The following KCNQ5 variants were observed in gnomAD, a reference collection of about 807,000 sequenced individuals.
The protein encoded by KCNQ5 is potassium voltage-gated channel subfamily Q member 5.
Under a neutral mutation model 98.2 loss-of-function variants are expected in KCNQ5, and 30 were observed. The ratio of observed to expected loss-of-function variants is 0.31; its 90% CI spans 0.23 to 0.41. The LOEUF is 0.41. Ranked by LOEUF, KCNQ5 falls within the 10% of genes least tolerant of loss-of-function variation. The pLI is 1.00. For synonymous variants in KCNQ5, 458 were observed against 449.4 expected (o/e 1.02, Z -0.24); for missense variants, 835 against 1,182.5 (o/e 0.71, Z 4.31).
In KCNQ5 at chr6:73,160,628, G is replaced by A. The variant is rs532428322; in HGVS notation, c.1469-9118G>A. 4.6e-5 allele frequency among the ~76,000 whole-genome samples: 7 copies of A among 152,286 alleles called. No individual in the cohort carries two copies. In the South Asian group the frequency reaches 8.3e-4, roughly 18 times the overall value. On this transcript the variant is annotated intron_variant, in intron 10 of 13. Transcript: ENST00000370398. ...CATTTACTGCTGTCTTGTGAGGCACGTATGTTGTCTCAAATTGCTCCTCTG... is the reference window on the plus strand; with the variant it reads ...CATTTACTGCTGTCTTGTGAGGCACATATGTTGTCTCAAATTGCTCCTCTG...
At chr6:73,054,101 G>T (rs1772357482) in intron 3 of KCNQ5, among the ~76,000 whole-genome samples, 1 of 152,038 alleles carries the variant, frequency 6.6e-6, no homozygotes, top group African/African-American at 2.4e-5. Context: ...TAGAAGAAAT[G>T]GATAAATTCC....
At chr6:72,645,959 C>T (rs1393045143) in intron 1 of KCNQ5, among the ~76,000 whole-genome samples, 1 of 152,056 alleles carries the variant, frequency 6.6e-6, no homozygotes, top group East Asian at 1.9e-4. Flanking sequence ...TCCACTTCCC[C>T]CCAGGTACTT....
chr6:73,180,221 G>T (rs1183161584), intron 11 of KCNQ5, among the ~76,000 whole-genome samples: 2 of 152,154 alleles, frequency 1.3e-5, no homozygotes, highest in African/African-American at 2.4e-5. Context: ...TCACGTAGGA[G>T]GCTTCTTTAA....
intron 1 of KCNQ5, among the ~76,000 whole-genome samples, chr6:72,891,711 C>G (rs1247181543): frequency 1.3e-5 from 2 of 152,078 alleles, no homozygotes; most frequent in African/African-American, 4.8e-5. Flanking sequence ...TTAATCCTTC[C>G]TAAAATAAAG....
intron 2 of KCNQ5, among the ~76,000 whole-genome samples, chr6:73,026,136 A>G (rs966246597): frequency 6.6e-6 from 1 of 152,122 alleles, no homozygotes; most frequent in African/African-American, 2.4e-5. Flanking sequence ...TGTCTCTACC[A>G]AAACCTGGTG....
intron 1 of KCNQ5, among the ~76,000 whole-genome samples, chr6:72,822,434 T>G (rs895612854): frequency 3.9e-5 from 6 of 152,212 alleles, no homozygotes. Flanking sequence ...GTACTCCCTA[T>G]TCCTTATGTG....
chr6:72,931,051 TG>T (rs557842927), intron 1 of KCNQ5, among the ~76,000 whole-genome samples: 192 of 152,290 alleles, frequency 1.3e-3, no homozygotes, highest in African/African-American at 4.6e-3. Flanking sequence ...ACAGCAGAAT[TG>T]AGCTACAGTT....
At chr6:72,848,091 G>A (rs1309424940) in intron 1 of KCNQ5, among the ~76,000 whole-genome samples, 1 of 151,882 alleles carries the variant, frequency 6.6e-6, no homozygotes, top group Non-Finnish European at 1.5e-5. Context: ...CATGTCCCCA[G>A]GAGGCAAGGA....
At chr6:73,131,656 T>A (rs992870534) in intron 9 of KCNQ5, among the ~76,000 whole-genome samples, 2 of 151,952 alleles carry the variant, frequency 1.3e-5, no homozygotes, top group Non-Finnish European at 2.9e-5. Context: ...CTTTGACAGA[T>A]TTGTTTAAAT....
At chr6:72,855,854 T>C (rs536156577) in intron 1 of KCNQ5, among the ~76,000 whole-genome samples, 40 of 152,338 alleles carry the variant, frequency 2.6e-4, no homozygotes, top group African/African-American at 9.1e-4. Context: ...TTAACTAAAA[T>C]TGTTGCCTGA....
intron 2 of KCNQ5, among the ~76,000 whole-genome samples, chr6:73,012,193 T>C (rs1219451503): frequency 6.6e-6 from 1 of 152,040 alleles, no homozygotes; most frequent in Non-Finnish European, 1.5e-5. Context: ...TTGTTCACAA[T>C]AGCCAGAATG....
intron 1 of KCNQ5, among the ~76,000 whole-genome samples, chr6:72,709,135 A>T (rs73537770): frequency 1.3e-5 from 2 of 152,268 alleles, no homozygotes; most frequent in East Asian, 3.9e-4. Context: ...ATGAGGCACC[A>T]TGCCCAGTGA....
chr6:73,172,022 A>G (rs1778033324), intron 11 of KCNQ5, among the ~76,000 whole-genome samples: 1 of 151,162 alleles, frequency 6.6e-6, no homozygotes, highest in South Asian at 2.1e-4. Context: ...CTTAAGATTT[A>G]CTTTGTTATT....
intron 1 of KCNQ5, among the ~76,000 whole-genome samples, chr6:72,780,405 T>A (rs2154477832): frequency 6.6e-6 from 1 of 152,342 alleles, no homozygotes; most frequent in East Asian, 1.9e-4. Context: ...GGTATTGATA[T>A]GCTCCAAGAG....
At chr6:72,650,946 G>T (rs1421114654) in intron 1 of KCNQ5, among the ~76,000 whole-genome samples, 1 of 152,036 alleles carries the variant, frequency 6.6e-6, no homozygotes, top group African/African-American at 2.4e-5. Flanking sequence ...GTCGATTAAG[G>T]TTGCAAAGGG....
intron 1 of KCNQ5, among the ~76,000 whole-genome samples, chr6:72,863,354 ATCC>A (rs1777844760): frequency 6.6e-6 from 1 of 152,220 alleles, no homozygotes. Flanking sequence ...AAGATGTCCC[ATCC>A]TAACACCATA....
At chr6:72,783,181 C>G (rs1773572978) in intron 1 of KCNQ5, among the ~76,000 whole-genome samples, 1 of 152,090 alleles carries the variant, frequency 6.6e-6, no homozygotes, top group Non-Finnish European at 1.5e-5. Context: ...CTTCAGGCAG[C>G]TGTAGAGAGA....
chr6:72,713,029 C>T (rs551989846), intron 1 of KCNQ5, among the ~76,000 whole-genome samples: 15 of 152,094 alleles, frequency 9.9e-5, no homozygotes, highest in Non-Finnish European at 2.2e-4. Flanking sequence ...TTTAGGTGCT[C>T]AGTAATATGT....
chr6:72,840,894 G>A (rs999136806), intron 1 of KCNQ5, among the ~76,000 whole-genome samples: 4 of 152,152 alleles, frequency 2.6e-5, no homozygotes, highest in African/African-American at 9.7e-5. Context: ...TAAGCTTATG[G>A]ATGGTTGTTT....
Sources: gnomAD v4.1 joint callset for allele counts (sites outside exome capture counted in the v4.1 genomes callset) on GRCh38, gnomAD v4.1.1 for gene constraint, MANE v1.5 for transcripts, NCBI Gene and HGNC (gene_info 2026-07-23, HGNC 2026-07-21) for gene names.